Variants in ACVRL1 observed in about 807,000 individuals in gnomAD.
ACVRL1 encodes the protein activin A receptor like type 1, also known as activin receptor type-1-like.
In ACVRL1, 20 loss-of-function variants were observed where a neutral mutation model predicts 51.9. That is an observed-to-expected ratio of 0.39 (90% CI 0.27 to 0.56). The LOEUF (loss-of-function observed/expected upper bound fraction) is 0.56. Ranked by LOEUF, ACVRL1 falls within the 20% of genes least tolerant of loss-of-function variation. The probability of loss-of-function intolerance (pLI) is 0.67; values close to 1 mark genes in which losing one functional copy is unlikely to be tolerated. For synonymous variants in ACVRL1, 288 were observed against 280.9 expected, an observed-to-expected ratio of 1.03 and a Z score of -0.25; for missense variants, 451 against 670.3, an observed-to-expected ratio of 0.67 and a Z score of 3.61.
At chr12:51,912,098 G>C (rs1940702028) in intron 1 of ACVRL1, among the ~76,000 whole-genome samples, 1 of 152,182 alleles carries the variant, frequency 6.6e-6, no homozygotes. Flanking sequence ...GTGGGAAAGA[G>C]ACACAGAACA....
chr12:51,910,940 C>G (rs1025338954), intron 1 of ACVRL1, among the ~76,000 whole-genome samples: 1 of 152,216 alleles, frequency 6.6e-6, no homozygotes, highest in Non-Finnish European at 1.5e-5. Context: ...CTATGAAGCC[C>G]CCCTACCCCA....
chr12:51,909,291 C>T (rs546854223), intron 1 of ACVRL1, among the ~76,000 whole-genome samples: 1 of 152,272 alleles, frequency 6.6e-6, no homozygotes, highest in Non-Finnish European at 1.5e-5. Flanking sequence ...TGGGCAGCAA[C>T]ACCACCTTTG....
intron 9 of ACVRL1, among the ~76,000 whole-genome samples, chr12:51,920,476 C>T (rs1379785789): frequency 6.6e-6 from 1 of 152,234 alleles, no homozygotes; most frequent in East Asian, 1.9e-4. Flanking sequence ...TTTCTCCATC[C>T]CTTTCTCACT....
At position 51,915,916 on chromosome 12, in the gene ACVRL1, G is replaced by A. The variant is rs1565594762; in HGVS notation, c.1049-120G>A. The A allele has an allele frequency of 7.6e-5, 85 of 1,113,794 alleles. 3 individuals carry two copies. The South Asian group carries it at 1.1e-3, about 14-fold the overall frequency. 69.0% of individuals were successfully genotyped at this position (1,113,794 alleles called of 1,614,324 possible). ...GGCCACTGCCTTCCAGCCCATCTCC[G>A]TGCACGTCTCCATCTGCCTTCCCCT... On this transcript the variant is annotated intron_variant, in intron 7 of 9. Transcript: ENST00000388922.
chr12:51,918,196 G>A (rs1032570765), intron 8 of ACVRL1, among the ~76,000 whole-genome samples: 2 of 152,228 alleles, frequency 1.3e-5, no homozygotes, highest in Non-Finnish European at 2.9e-5. Flanking sequence ...GTCAGTGCTG[G>A]CTGCAGGAGT....
chr12:51,915,128 T>C, intron 6 of ACVRL1, 97 bp from the exon 7 acceptor site: 1 of 1,320,132 alleles, frequency 7.6e-7, no homozygotes, highest in Non-Finnish European at 1.1e-6. Context: ...AGTGACCCAG[T>C]CCATTCCCTC....
intron 7 of ACVRL1, 99 bp downstream of exon 7, chr12:51,915,599 A>C: frequency 6.9e-7 from 1 of 1,447,716 alleles, no homozygotes; most frequent in Non-Finnish European, 9.2e-7. Flanking sequence ...TTAGCACTTG[A>C]AAATTTAGAG....
intron 7 of ACVRL1, 22 bp downstream of exon 7, chr12:51,915,522 C>G (rs752666860): frequency 1.9e-6 from 3 of 1,597,580 alleles, no homozygotes; most frequent in Non-Finnish European, 2.6e-6. Context: ...GGGGCAGGGG[C>G]GCGCCCTTCA....
intron 1 of ACVRL1, among the ~76,000 whole-genome samples, chr12:51,909,010 T>C (rs1940644018): frequency 6.6e-6 from 1 of 152,126 alleles, no homozygotes; most frequent in Non-Finnish European, 1.5e-5. Context: ...CAACCCAATA[T>C]GAACAGCTGG....
In ACVRL1 at chr12:51,907,947, G is replaced by A. The variant is rs901572467; in HGVS notation, c.-6+252G>A. Among the ~76,000 whole-genome samples, 1 of 152,222 alleles carries A rather than the reference G, an allele frequency of 6.6e-6. No homozygotes were observed. The highest frequency in any genetic ancestry group is 6.5e-5 in the Admixed American group (1 of 15,290). ...GTTCTAGTCGGGTGACCTGGGGTCA[G>A]TGACTTCACTTCTCTGTTCTCCTAC... On this transcript the variant is annotated intron_variant, in intron 1 of 9. Coordinates refer to ENST00000388922, the MANE Select transcript of ACVRL1 (RefSeq NM_000020.3). This position sits in a 1 kb window ranked among gnomAD's most constrained non-coding sequence, Gnocchi z 4.5.
At chr12:51,908,462 T>G (rs1306203995) in intron 1 of ACVRL1, among the ~76,000 whole-genome samples, 1 of 152,256 alleles carries the variant, frequency 6.6e-6, no homozygotes, top group Admixed American at 6.5e-5. Flanking sequence ...TTTCATTGGT[T>G]TGTTAGAAAT....
chr12:51,914,454 G>T lies in ACVRL1; in HGVS notation c.641G>T (p.Gly214Val). 1.2e-6 allele frequency: 2 copies of T among 1,614,212 alleles called. No homozygotes were observed. Among genetic ancestry groups the T allele is most frequent in the Non-Finnish European group, 1.7e-6 (2 of 1,180,022 alleles). ...LVECVGKGRY[G>V]EVWRGLWHGE... ...TGGCCATCAGGAAAAGGCCGCTATG[G>T]CGAAGTGTGGCGGGGCTTGTGGCAC... The change falls in exon 6 of 10, where the codon GGC becomes GTC. Residue 214 changes from glycine (G) to valine (V), a missense_variant. Gly to Val is a moderately radical substitution (Grantham distance 109). This residue lies in a region of ACVRL1 where 259 missense variants were observed against 453.4 expected (regional missense o/e 0.57). Coordinates refer to ENST00000388922, the MANE Select transcript of ACVRL1 (RefSeq NM_000020.3).
intron 3 of ACVRL1, 22 bp downstream of exon 3, chr12:51,913,372 C>T (rs770741037): frequency 3.7e-6 from 6 of 1,609,504 alleles, no homozygotes; most frequent in South Asian, 1.1e-5. Context: ...TGCCCTAGCA[C>T]TCCCTCCCCA....
At chr12:51,919,407 G>A in intron 9 of ACVRL1, 1 of 455,152 alleles carries the variant, frequency 2.2e-6, no homozygotes, top group South Asian at 2.1e-5. Flanking sequence ...GTGTGTGTTT[G>A]AGAGTCAGGG....
At chr12:51,915,010 T>C (rs1940796065) in intron 6 of ACVRL1, among the ~76,000 whole-genome samples, 1 of 152,074 alleles carries the variant, frequency 6.6e-6, no homozygotes, top group African/African-American at 2.4e-5. Context: ...TCCCAAAGTG[T>C]TGGGATTACA....
In ACVRL1 at chr12:51,915,407, G is replaced by A. The variant is rs1085307414; in HGVS notation, c.955G>A (p.Gly319Ser). 2.5e-6 allele frequency: 4 copies of A among 1,613,860 alleles called. No individual in the cohort carries two copies. Among genetic ancestry groups the A allele is most frequent in the South Asian group, 2.2e-5 (2 of 91,080 alleles). ...GGCGCACCTGCACGTGGAGATCTTC[G>A]GTACACAGGGCAAACCAGCCATTGC... Reference protein sequence around the residue: ...GLAHLHVEIFGTQGKPAIAHR... With the variant: ...GLAHLHVEIFSTQGKPAIAHR... Residue 319 changes from glycine (G) to serine (S), a missense_variant, in exon 7 of 10, where the codon GGT (glycine) becomes AGT (serine). By Grantham distance (56) the Gly-to-Ser change is moderately conservative. Around this residue, in one of 2 missense-constraint regions of ACVRL1, gnomAD observed 259 missense variants for 453.4 expected, o/e 0.57. Coordinates refer to ENST00000388922, the MANE Select transcript of ACVRL1 (RefSeq NM_000020.3).
chr12:51,916,880 AG>A (rs1349941112), intron 8 of ACVRL1, among the ~76,000 whole-genome samples: 1 of 152,216 alleles, frequency 6.6e-6, no homozygotes, highest in African/African-American at 2.4e-5. Flanking sequence ...AGGCTGAGGC[AG>A]GAGAATCACT....
rs1172567317 is a variant in ACVRL1 at position 51,922,071 on chromosome 12, C to T, written c.*1178C>T. The T allele has an allele frequency of 6.6e-6, 1 of 152,156 alleles. No homozygotes were observed. The highest frequency in any genetic ancestry group is 1.5e-5 in the Non-Finnish European group (1 of 68,054). 9.4% of individuals were successfully genotyped at this position (152,156 alleles called of 1,614,324 possible). On this transcript the variant is annotated 3_prime_UTR_variant, in exon 10 of 10. Coordinates refer to ENST00000388922, the MANE Select transcript of ACVRL1 (RefSeq NM_000020.3). The stretch of plus-strand genomic sequence containing the variant: ...TTATCTACATATTGGAAGATTTGGT[C>T]CTGATGTCCTTTGAGGCTTCTTTAG...
At position 51,913,209 on chromosome 12, in the gene ACVRL1, G is replaced by A. The variant is rs775599560; in HGVS notation, c.172G>A (p.Glu58Lys). The A allele has an allele frequency of 6.3e-7, 1 of 1,590,320 alleles. No homozygotes were observed. The highest frequency in any genetic ancestry group is 8.6e-7 in the Non-Finnish European group (1 of 1,169,270). ...CTGGTGCACAGTAGTGCTGGTGCGGGAGGAGGGGAGGCACCCCCAGGAACA... is the reference window on the plus strand; with the variant it reads ...CTGGTGCACAGTAGTGCTGGTGCGGAAGGAGGGGAGGCACCCCCAGGAACA... ...GAWCTVVLVR[E>K]EGRHPQEHRG... is the part of the protein sequence containing the mutation. The change falls in exon 3 of 10, where the codon GAG becomes AAG. Residue 58 changes from glutamate (E) to lysine (K), a missense_variant. This residue lies in a region of ACVRL1 where 192 missense variants were observed against 216.9 expected (regional missense o/e 0.89). Transcript: ENST00000388922.
Sources: gnomAD v4.1 joint callset for allele counts (sites outside exome capture counted in the v4.1 genomes callset) on GRCh38, gnomAD v4.1.1 for gene constraint, gnomAD v4.1.1 regional missense constraint, Gnocchi (gnomAD v3.1) non-coding constraint, MANE v1.5 for transcripts, NCBI Gene and HGNC (gene_info 2026-07-23, HGNC 2026-07-21) for gene names.